The following SV2B variants were observed in gnomAD, a reference collection of about 807,000 sequenced individuals.
SV2B encodes solute carrier family 22 member B2.
Under a neutral mutation model 73.9 loss-of-function variants are expected in SV2B, and 41 were observed. The ratio of observed to expected loss-of-function variants is 0.56; its 90% confidence interval spans 0.43 to 0.72. The LOEUF is 0.72. SV2B is among the 30% of genes least tolerant of loss of function. The pLI is 0.00. For missense variants in SV2B, 764 were observed against 857.8 expected (o/e 0.89, Z 1.37); for synonymous variants, 314 against 314.2 (o/e 1.00, Z 0.01).
chr15:91,111,761 T>A (rs1009496168), intron 1 of SV2B, among the ~76,000 whole-genome samples: 1 of 152,122 alleles, frequency 6.6e-6, no homozygotes, highest in Non-Finnish European at 1.5e-5. Context: ...TTCTGCAGGC[T>A]ACACAGGAAG....
At chr15:91,210,398 T>C (rs143703112) in intron 1 of SV2B, among the ~76,000 whole-genome samples, 1 of 152,120 alleles carries the variant, frequency 6.6e-6, no homozygotes, top group African/African-American at 2.4e-5. Flanking sequence ...CAGGCAATCC[T>C]AGAGGACAGG....
At chr15:91,285,045 C>T (rs146466461) in intron 11 of SV2B, among the ~76,000 whole-genome samples, 51 of 152,174 alleles carry the variant, frequency 3.4e-4, no homozygotes, top group Non-Finnish European at 1.5e-4. Flanking sequence ...TTAGGGTTGA[C>T]GTTGATTAGG....
At chr15:91,193,441 C>T (rs1363553126) in intron 1 of SV2B, among the ~76,000 whole-genome samples, 1 of 152,186 alleles carries the variant, frequency 6.6e-6, no homozygotes, top group Non-Finnish European at 1.5e-5. Context: ...AAAATCAGAG[C>T]CAGGGAACCC....
intron 1 of SV2B, among the ~76,000 whole-genome samples, chr15:91,180,548 G>T (rs547019839): frequency 2.0e-5 from 3 of 152,114 alleles, no homozygotes; most frequent in African/African-American, 7.2e-5. Context: ...TGTAGATTTG[G>T]TCTTTTCACA....
Position 91,188,286 on chromosome 15 carries a change from TA to T in SV2B, c.-391-37586del, listed in dbSNP as rs1555480152. 8.1e-4 allele frequency among the ~76,000 whole-genome samples: 23 copies of T among 28,314 alleles called. 1 individual carries two copies. Among genetic ancestry groups the T allele is most frequent in the Admixed American group, 6.5e-3 (21 of 3,222 alleles). 18.6% of individuals were successfully genotyped at this position (28,314 alleles called of 152,430 possible). ...AAGACAAAAGAATGTTCCTTATTTT[TA>T]TTTATTTATTTATTTATTTATTTAT... On this transcript the variant is annotated intron_variant, in intron 1 of 12. Transcript: ENST00000394232.
chr15:91,169,118 G>A (rs554353870), intron 1 of SV2B, among the ~76,000 whole-genome samples: 1 of 152,280 alleles, frequency 6.6e-6, no homozygotes, highest in East Asian at 1.9e-4. Context: ...ATATGAAGTA[G>A]TAATAATCAC....
intron 1 of SV2B, among the ~76,000 whole-genome samples, chr15:91,185,888 C>T (rs1596542457): frequency 6.6e-6 from 1 of 152,338 alleles, no homozygotes; most frequent in Middle Eastern, 3.4e-3. Flanking sequence ...CACTACACCA[C>T]TCCATGAGGC....
At chr15:91,168,330 GA>G (rs1491154915) in intron 1 of SV2B, among the ~76,000 whole-genome samples, 1 of 151,198 alleles carries the variant, frequency 6.6e-6, no homozygotes, top group Non-Finnish European at 1.5e-5. Context: ...GAGAGAGAGA[GA>G]AAAGAAATTT....
At chr15:91,222,748 T>G (rs565037878) in intron 1 of SV2B, among the ~76,000 whole-genome samples, 1 of 152,362 alleles carries the variant, frequency 6.6e-6, no homozygotes, top group South Asian at 2.1e-4. Flanking sequence ...GGCACATTTT[T>G]CAATCTTCTT....
intron 1 of SV2B, among the ~76,000 whole-genome samples, chr15:91,127,063 G>A (rs1435189581): frequency 6.6e-6 from 1 of 152,212 alleles, no homozygotes. Flanking sequence ...GTAATTTTGG[G>A]CAAATTGCTT....
At position 91,168,332 on chromosome 15, in the gene SV2B, A is replaced by AGAGAGAGAGAGAGAGAGAGAGAGAG. The variant is rs1567308862; in HGVS notation, c.-391-57541_-391-57540insGAGAGAGAGAGAGAGAGAGAGAGAG. On this transcript the variant is annotated intron_variant, in intron 1 of 12. Coordinates refer to ENST00000394232, the MANE Select transcript of SV2B (RefSeq NM_001323032.3). ...AGAGAGAGAGAGAGAGAGAGAGAGAAAAGAAATTTCTCACACACTCTTCAG... is the reference window on the plus strand; with the variant it reads ...AGAGAGAGAGAGAGAGAGAGAGAGAAGAGAGAGAGAGAGAGAGAGAGAGAGAAGAAATTTCTCACACACTCTTCAG... 8.9e-4 allele frequency among the ~76,000 whole-genome samples: 70 copies of AGAGAGAGAGAGAGAGAGAGAGAGAG among 78,406 alleles called. 1 individual carries two copies. The highest frequency in any genetic ancestry group is 2.6e-3 in the African/African-American group (61 of 23,450). The allele number at this position is 78,406 out of a possible 152,430, so 51.4% of individuals were successfully genotyped here. A position where few individuals can be genotyped will look rare whatever the true frequency, so the allele number is the denominator to read the frequency against.
intron 1 of SV2B, among the ~76,000 whole-genome samples, chr15:91,158,403 G>T (rs1447435692): frequency 6.6e-6 from 1 of 152,068 alleles, no homozygotes; most frequent in Non-Finnish European, 1.5e-5. Flanking sequence ...GAGGCAATAT[G>T]TGGTTTTATT....
intron 1 of SV2B, among the ~76,000 whole-genome samples, chr15:91,181,311 G>A (rs928537683): frequency 7.7e-6 from 1 of 129,682 alleles, no homozygotes; most frequent in Non-Finnish European, 1.7e-5. Flanking sequence ...CTACTGGGGG[G>A]TGCCTCCCAG....
At chr15:91,135,734 C>T (rs1013716415) in intron 1 of SV2B, among the ~76,000 whole-genome samples, 1 of 152,190 alleles carries the variant, frequency 6.6e-6, no homozygotes, top group African/African-American at 2.4e-5. Flanking sequence ...GGTGCTTTGC[C>T]TACTTACTTA....
intron 2 of SV2B, among the ~76,000 whole-genome samples, chr15:91,228,131 C>A (rs1369669773): frequency 6.6e-6 from 1 of 151,984 alleles, no homozygotes; most frequent in Non-Finnish European, 1.5e-5. Context: ...AAAAATTGTC[C>A]CTGGGGGCTC....
chr15:91,151,414 C>G (rs1373896529), intron 1 of SV2B, among the ~76,000 whole-genome samples: 2 of 152,180 alleles, frequency 1.3e-5, no homozygotes, highest in African/African-American at 4.8e-5. Flanking sequence ...GCCTGAATAA[C>G]AAAAGTTAAA....
At chr15:91,151,060 C>G (rs968661549) in intron 1 of SV2B, among the ~76,000 whole-genome samples, 1 of 152,194 alleles carries the variant, frequency 6.6e-6, no homozygotes, top group African/African-American at 2.4e-5. Flanking sequence ...TAGGTGAGAG[C>G]CTGTGGGCTT....
intron 1 of SV2B, among the ~76,000 whole-genome samples, chr15:91,171,640 C>T (rs1348672080): frequency 2.6e-5 from 4 of 152,132 alleles, no homozygotes; most frequent in Admixed American, 2.0e-4. Context: ...ACAGACCCAG[C>T]GAAAATGCTC....
intron 4 of SV2B, among the ~76,000 whole-genome samples, chr15:91,257,437 A>G (rs2047737722): frequency 6.6e-6 from 1 of 152,194 alleles, no homozygotes; most frequent in African/African-American, 2.4e-5. Context: ...CCATGAGGAT[A>G]TTCAAAACAA....
Sources: gnomAD v4.1 joint callset for allele counts (sites outside exome capture counted in the v4.1 genomes callset) on GRCh38, gnomAD v4.1.1 for gene constraint, MANE v1.5 for transcripts, NCBI Gene and HGNC (gene_info 2026-07-23, HGNC 2026-07-21) for gene names.